MDGA2: variants seen among roughly 807,000 people sequenced by gnomAD.
MDGA2 encodes the protein MAM domain containing glycosylphosphatidylinositol anchor 2.
In MDGA2, 40 loss-of-function variants were observed where a neutral mutation model predicts 117.8. The observed-to-expected ratio is 0.34, with a 90% CI of 0.26 to 0.44. The LOEUF (loss-of-function observed/expected upper bound fraction) is 0.44. Among genes scored for constraint, MDGA2 ranks in the 20% least tolerant of loss-of-function variants. MDGA2 has a pLI of 1.00. For synonymous variants in MDGA2, 452 were observed against 439.0 expected (o/e 1.03, Z -0.37); for missense variants, 1,123 against 1,250.6 (o/e 0.90, Z 1.54).
intron 10 of MDGA2, among the ~76,000 whole-genome samples, chr14:46,899,810 T>A (rs1006199737): frequency 6.6e-6 from 1 of 152,186 alleles, no homozygotes; most frequent in African/African-American, 2.4e-5. Flanking sequence ...ACAGATAGGC[T>A]GAATTGCAAA....
At chr14:47,234,236 T>C (rs571329128) in intron 2 of MDGA2, among the ~76,000 whole-genome samples, 3 of 150,136 alleles carry the variant, frequency 2.0e-5, no homozygotes, top group Non-Finnish European at 4.4e-5. Context: ...TAAATGTAAA[T>C]ATTCATATTA....
intron 1 of MDGA2, among the ~76,000 whole-genome samples, chr14:47,659,522 C>A (rs1897806575): frequency 6.6e-6 from 1 of 152,090 alleles, no homozygotes; most frequent in African/African-American, 2.4e-5. Flanking sequence ...GATATTTTAC[C>A]TTTTATTTTA....
chr14:47,155,793 A>T (rs1027397782), intron 3 of MDGA2, among the ~76,000 whole-genome samples: 5 of 151,220 alleles, frequency 3.3e-5, no homozygotes, highest in Admixed American at 6.6e-5. Flanking sequence ...GCCACTGGCC[A>T]CAGAGGTTTC....
At chr14:47,414,790 A>G (rs559210878) in intron 1 of MDGA2, among the ~76,000 whole-genome samples, 2 of 152,124 alleles carry the variant, frequency 1.3e-5, no homozygotes, top group Non-Finnish European at 2.9e-5. Context: ...ATACCATGTC[A>G]CCAAGAACCC....
intron 1 of MDGA2, among the ~76,000 whole-genome samples, chr14:47,508,395 A>G (rs1447304976): frequency 1.6e-5 from 2 of 126,036 alleles, no homozygotes; most frequent in African/African-American, 5.8e-5. Context: ...ATATATATAT[A>G]TTTGCTACCA....
At chr14:47,196,647 T>C (rs780083593) in intron 3 of MDGA2, among the ~76,000 whole-genome samples, 15 of 152,220 alleles carry the variant, frequency 9.9e-5, no homozygotes, top group Non-Finnish European at 2.1e-4. Flanking sequence ...TTAGGATTCA[T>C]GTATCATCAT....
intron 3 of MDGA2, among the ~76,000 whole-genome samples, chr14:47,164,634 C>T (rs1047002106): frequency 6.6e-6 from 1 of 152,160 alleles, no homozygotes. Context: ...AGAAATAGGA[C>T]ACTTTTACAC....
chr14:47,611,217 T>A (rs1896841826), intron 1 of MDGA2, among the ~76,000 whole-genome samples: 1 of 152,098 alleles, frequency 6.6e-6, no homozygotes, highest in African/African-American at 2.4e-5. Flanking sequence ...TCAATATGGA[T>A]TAAGGACTTA....
At chr14:47,368,752 A>G (rs1891283651) in intron 1 of MDGA2, among the ~76,000 whole-genome samples, 1 of 151,140 alleles carries the variant, frequency 6.6e-6, no homozygotes, top group Admixed American at 6.6e-5. Context: ...TGAGTTCAGA[A>G]TGAAAGAGTT....
At chr14:47,589,298 A>G (rs1896391842) in intron 1 of MDGA2, among the ~76,000 whole-genome samples, 1 of 151,966 alleles carries the variant, frequency 6.6e-6, no homozygotes, top group African/African-American at 2.4e-5. Context: ...TTCTTCTAAA[A>G]GTTGTATAGT....
chr14:47,473,003 T>C lies in MDGA2; in HGVS notation c.281-171453A>G, dbSNP rs148319793. Among the ~76,000 whole-genome samples, 6 of 152,130 alleles carry C rather than the reference T, an allele frequency of 3.9e-5. No individual in the cohort carries two copies. The East Asian group carries it at 1.2e-3, about 29-fold the overall frequency. On this transcript the variant is annotated intron_variant, in intron 1 of 16. Transcript: ENST00000399232. ...TAACTGAGGGTTAGAACCCAGGAGG[T>C]TGATTTGGGGAAATGCGAGTAGAAG...
At chr14:47,516,985 T>C (rs1474108683) in intron 1 of MDGA2, among the ~76,000 whole-genome samples, 2 of 152,142 alleles carry the variant, frequency 1.3e-5, no homozygotes, top group African/African-American at 4.8e-5. Context: ...CCATGCACTA[T>C]AGATACATTC....
chr14:47,339,225 C>A (rs900291974), intron 1 of MDGA2, among the ~76,000 whole-genome samples: 1 of 152,016 alleles, frequency 6.6e-6, no homozygotes, highest in African/African-American at 2.4e-5. Flanking sequence ...GAAAATGAAA[C>A]ACTATTTTTT....
chr14:47,312,879 C>G (rs1269219245), intron 1 of MDGA2, among the ~76,000 whole-genome samples: 2 of 148,190 alleles, frequency 1.3e-5, no homozygotes, highest in Admixed American at 1.4e-4. Flanking sequence ...AAATGGATGA[C>G]TCACAACACT....
chr14:47,128,005 G>C (rs1432531477), intron 5 of MDGA2, among the ~76,000 whole-genome samples: 1 of 152,022 alleles, frequency 6.6e-6, no homozygotes. Flanking sequence ...CTCCTATTTA[G>C]AATAACTCTT....
intron 9 of MDGA2, among the ~76,000 whole-genome samples, chr14:46,926,196 T>C (rs775800962): frequency 4.6e-5 from 7 of 152,212 alleles, no homozygotes; most frequent in Admixed American, 1.3e-4. Flanking sequence ...AAAGATTTTA[T>C]AGTGAATCCA....
Position 47,096,897 on chromosome 14 carries a change from A to C in MDGA2, c.1152T>G (p.Asn384Lys). 1 of 1,613,224 alleles carries C rather than the reference A, an allele frequency of 6.2e-7. No homozygotes were observed. Residue 384 changes from asparagine (N) to lysine (K), a missense_variant, in exon 6 of 17, where the codon AAT (asparagine) becomes AAG (lysine). Asn to Lys is a moderately conservative substitution (Grantham distance 94). Transcript: ENST00000399232. The part of the protein sequence containing the change: ...AGTYSCIANN[N>K]VGNPAKKSTN... ...TGGACTTTTTTGCAGGGTTTCCCAC[A>C]TTATTATTGGCAATGCAGCTGTAAG...
At chr14:47,353,136 G>A (rs1430499903) in intron 1 of MDGA2, among the ~76,000 whole-genome samples, 2 of 152,108 alleles carry the variant, frequency 1.3e-5, no homozygotes, top group Non-Finnish European at 2.9e-5. Flanking sequence ...GCATGTTCTG[G>A]GTGGTCTTCT....
intron 9 of MDGA2, among the ~76,000 whole-genome samples, chr14:46,954,384 G>A (rs914162802): frequency 3.3e-5 from 5 of 151,894 alleles, no homozygotes; most frequent in Non-Finnish European, 5.9e-5. Flanking sequence ...AGACTGCCAC[G>A]ACAAACAGCC....
Sources: gnomAD v4.1 joint callset for allele counts (sites outside exome capture counted in the v4.1 genomes callset) on GRCh38, gnomAD v4.1.1 for gene constraint, MANE v1.5 for transcripts, NCBI Gene and HGNC (gene_info 2026-07-23, HGNC 2026-07-21) for gene names.